CLTCL1: variants seen among roughly 807,000 people sequenced by gnomAD.
CLTCL1 encodes clathrin heavy chain like 1, also known as clathrin heavy chain 2.
Under a neutral mutation model 190.0 loss-of-function variants are expected in CLTCL1, and 159 were observed. That is an observed-to-expected ratio of 0.84 (90% CI 0.74 to 0.95). The LOEUF is 0.95. Ranked by LOEUF, CLTCL1 falls within the 40% of genes least tolerant of loss-of-function variation. The probability of loss-of-function intolerance (pLI) is 0.00; values close to 1 mark genes in which losing one functional copy is unlikely to be tolerated. For missense variants in CLTCL1, 1,878 were observed against 2,033.4 expected (o/e 0.92, Z 1.47); for synonymous variants, 752 against 769.6 (o/e 0.98, Z 0.38).
chr22:19,269,194 C>T (rs1464725856), intron 2 of CLTCL1, among the ~76,000 whole-genome samples: 1 of 151,732 alleles, frequency 6.6e-6, no homozygotes, highest in Admixed American at 6.6e-5. Flanking sequence ...GAGGTCAGGA[C>T]TTCAAGACCA....
chr22:19,279,926 C>A (rs1230344745), intron 1 of CLTCL1, among the ~76,000 whole-genome samples: 3 of 152,216 alleles, frequency 2.0e-5, no homozygotes, highest in Non-Finnish European at 2.9e-5. Flanking sequence ...AACTGCACCT[C>A]AGTGGTGCTG....
chr22:19,215,969 T>G (rs1601544940), intron 19 of CLTCL1, 142 bp downstream of exon 19: 2 of 677,528 alleles, frequency 3.0e-6, no homozygotes, highest in Non-Finnish European at 4.9e-6. Context: ...GTAGAGGAGG[T>G]GGTAAGAAGA....
At chr22:19,234,028 T>C (rs1555960601) in intron 7 of CLTCL1, among the ~76,000 whole-genome samples, 1 of 152,220 alleles carries the variant, frequency 6.6e-6, no homozygotes, top group Non-Finnish European at 1.5e-5. Context: ...CTTGAAAGTC[T>C]TTATCTACTC....
At chr22:19,237,789 A>G (rs1374828110) in intron 5 of CLTCL1, among the ~76,000 whole-genome samples, 1 of 152,242 alleles carries the variant, frequency 6.6e-6, no homozygotes, top group Non-Finnish European at 1.5e-5. Flanking sequence ...AGCCATTTTC[A>G]TAAGAGTCCA....
chr22:19,223,828 A>G, intron 14 of CLTCL1, 63 bp downstream of exon 14: 4 of 1,597,334 alleles, frequency 2.5e-6, no homozygotes, highest in Non-Finnish European at 3.4e-6. Context: ...CGTCCTGCGG[A>G]TGGTCTGCCC....
At chr22:19,209,306 G>A (rs2085147089) in intron 20 of CLTCL1, 192 bp from the exon 21 acceptor site, 3 of 504,554 alleles carry the variant, frequency 5.9e-6, no homozygotes, top group Admixed American at 3.5e-5. Flanking sequence ...TATGAGAAGG[G>A]GGATGCCGAA....
chr22:19,223,331 C>T (rs1440463783), intron 14 of CLTCL1, among the ~76,000 whole-genome samples: 1 of 149,354 alleles, frequency 6.7e-6, no homozygotes, highest in African/African-American at 2.4e-5. Flanking sequence ...TCCAATGGAA[C>T]GTGAATCCAA....
At chr22:19,227,277 CTT>C (rs11375007) in intron 11 of CLTCL1, among the ~76,000 whole-genome samples, 3,084 of 120,932 alleles carry the variant, frequency 0.026, 25 homozygotes, top group Non-Finnish European at 0.039. Flanking sequence ...GGCATAAAAT[CTT>C]TTTTTTTTTT....
At chr22:19,227,407 C>T (rs913908022) in intron 11 of CLTCL1, among the ~76,000 whole-genome samples, 4 of 151,182 alleles carry the variant, frequency 2.6e-5, no homozygotes, top group African/African-American at 7.3e-5. Context: ...TTCAGCCTCC[C>T]AAGCAGCTGG....
chr22:19,250,533 T>C (rs1234012157), intron 3 of CLTCL1, among the ~76,000 whole-genome samples: 9 of 143,068 alleles, frequency 6.3e-5, no homozygotes, highest in Non-Finnish European at 1.4e-4. Flanking sequence ...CTCAAGTTAG[T>C]ACCACATTCT....
Position 19,233,513 on chromosome 22 carries a change from T to TC in CLTCL1, c.1276_1277insG (p.Gln426ArgfsTer4). The TC allele has an allele frequency of 6.2e-7, 1 of 1,614,034 alleles. No individual in the cohort carries two copies. The highest frequency in any genetic ancestry group is 1.1e-5 in the South Asian group (1 of 91,086). On this transcript the variant is annotated frameshift_variant, in exon 8 of 33. Transcript: ENST00000427926. LOFTEE classifies it high-confidence loss of function. ...TTCTAAGGATTCAAGTTTATTGAGC[T>TC]GACCCTGGTCGAGCAGGATTCCGAA... is the stretch of plus-strand genomic sequence containing the variant.
intron 4 of CLTCL1, among the ~76,000 whole-genome samples, chr22:19,240,163 C>T (rs1200127288): frequency 1.3e-5 from 2 of 151,870 alleles, no homozygotes; most frequent in Non-Finnish European, 2.9e-5. Context: ...GCTATGTTGG[C>T]CAGGCTGGTC....
rs1555971356 is a variant in CLTCL1, at chr22:19,254,079, T to C, written c.399A>G (p.Glu133=). ...ACATCTTCATGGGCTGGGAGTCACCTTCCATGCTCCAGTGGTAGACCGCGG... is the reference window on the plus strand; with the variant it reads ...ACATCTTCATGGGCTGGGAGTCACCCTCCATGCTCCAGTGGTAGACCGCGG... ...TETAVYHWSM[E]GDSQPMKMFD... Residue 133 remains glutamate, a synonymous_variant, in exon 3 of 33, where the codon GAA becomes GAG. Transcript: ENST00000427926. 6.2e-7 allele frequency: 1 copy of C among 1,612,442 alleles called. No homozygotes were observed. Among genetic ancestry groups the C allele is most frequent in the Non-Finnish European group, 8.5e-7 (1 of 1,179,202 alleles).
chr22:19,288,868 T>C (rs1381551214), intron 1 of CLTCL1, among the ~76,000 whole-genome samples: 1 of 152,230 alleles, frequency 6.6e-6, no homozygotes, highest in Non-Finnish European at 1.5e-5. Flanking sequence ...CCTGGGAAAC[T>C]GTGGAACCAA....
In CLTCL1 at chr22:19,221,383, G is replaced by A. The variant is rs1555952129; in HGVS notation, c.2790C>T (p.Leu930=). ...AYERGQCDLE[L]IKVCNENSLF... The stretch of plus-strand genomic sequence containing the variant: ...CAGCACATCTGCTACCCACCTTGAT[G>A]AGCTCAAGGTCACACTGCCCCCGCT... Residue 930 remains leucine, a synonymous_variant, in exon 17 of 33, where the codon CTC becomes CTT. Coordinates refer to ENST00000427926, the MANE Select transcript of CLTCL1 (RefSeq NM_007098.4). 7.1e-6 allele frequency: 11 copies of A among 1,547,572 alleles called. No homozygotes were observed. The highest frequency in any genetic ancestry group is 2.0e-5 in the Admixed American group (1 of 50,900).
At chr22:19,236,245 A>C (rs1430574867) in intron 5 of CLTCL1, among the ~76,000 whole-genome samples, 1 of 152,204 alleles carries the variant, frequency 6.6e-6, no homozygotes, top group East Asian at 1.9e-4. Flanking sequence ...ATTTTGTCCA[A>C]CCACTCTCAA....
Position 19,242,515 on chromosome 22 carries a change from T to G in CLTCL1, c.681+260A>C, listed in dbSNP as rs553055196. 3.1e-3 allele frequency among the ~76,000 whole-genome samples: 470 copies of G among 152,178 alleles called. 3 individuals are homozygous for G. Among genetic ancestry groups the G allele is most frequent in the Non-Finnish European group, 5.4e-3 (367 of 68,000 alleles). ...TTCACCACGTTGGCCAGGCTGTTCT[T>G]GAACTCCTGACCTCGTGATCCACCC... On this transcript the variant is annotated intron_variant, in intron 4 of 32. Transcript: ENST00000427926.
intron 2 of CLTCL1, among the ~76,000 whole-genome samples, chr22:19,271,272 A>G (rs983274806): frequency 2.0e-5 from 3 of 152,166 alleles, no homozygotes; most frequent in South Asian, 2.1e-4. Context: ...CTCAAGTTGT[A>G]GTTCCCAGTG....
intron 27 of CLTCL1, among the ~76,000 whole-genome samples, 153 bp downstream of exon 27, chr22:19,191,151 T>C (rs1163326698): frequency 2.0e-5 from 3 of 152,240 alleles, no homozygotes; most frequent in Non-Finnish European, 4.4e-5. Context: ...GAGGTATTCC[T>C]GTATCTGAAA....
Sources: gnomAD v4.1 joint callset for allele counts (sites outside exome capture counted in the v4.1 genomes callset) on GRCh38, gnomAD v4.1.1 for gene constraint, MANE v1.5 for transcripts, NCBI Gene and HGNC (gene_info 2026-07-23, HGNC 2026-07-21) for gene names.